The following GNAI3 variants were observed in gnomAD, a reference collection of about 807,000 sequenced individuals.
GNAI3 encodes guanine nucleotide-binding protein G(i) subunit alpha-3.
Under a neutral mutation model 41.8 loss-of-function variants are expected in GNAI3, and 12 were observed. The ratio of observed to expected loss-of-function variants is 0.29; its 90% CI spans 0.18 to 0.47. The LOEUF (loss-of-function observed/expected upper bound fraction) is 0.47. GNAI3 is among the 20% of genes least tolerant of loss of function. The probability of loss-of-function intolerance (pLI) is 1.00; values close to 1 mark genes in which losing one functional copy is unlikely to be tolerated. For synonymous variants in GNAI3, 132 were observed against 146.5 expected (o/e 0.90, Z 0.71); for missense variants, 360 against 429.6 (o/e 0.84, Z 1.43).
intron 3 of GNAI3, among the ~76,000 whole-genome samples, chr1:109,577,549 A>G (rs1168517038): frequency 6.6e-6 from 1 of 152,188 alleles, no homozygotes; most frequent in Non-Finnish European, 1.5e-5. Flanking sequence ...TGCTGGGATT[A>G]CAAGTGTGAG....
intron 1 of GNAI3, among the ~76,000 whole-genome samples, chr1:109,571,413 C>T (rs1648593296): frequency 1.3e-5 from 2 of 152,196 alleles, no homozygotes; most frequent in South Asian, 4.1e-4. Context: ...AATTTCAGTT[C>T]TGCCACTTAC....
chr1:109,585,909 C>T (rs1649023733), intron 5 of GNAI3, among the ~76,000 whole-genome samples: 1 of 152,006 alleles, frequency 6.6e-6, no homozygotes, highest in Admixed American at 6.6e-5. Context: ...TGTCTTTTCC[C>T]CTCCTTCCTT....
At chr1:109,571,370 A>G (rs937702291) in intron 1 of GNAI3, among the ~76,000 whole-genome samples, 2 of 152,216 alleles carry the variant, frequency 1.3e-5, no homozygotes, top group Non-Finnish European at 2.9e-5. Context: ...TAGAGACAGT[A>G]TACACCAGCT....
At chr1:109,552,974 A>C (rs976131267) in intron 1 of GNAI3, among the ~76,000 whole-genome samples, 5 of 152,208 alleles carry the variant, frequency 3.3e-5, no homozygotes, top group Non-Finnish European at 5.9e-5. Flanking sequence ...TACATATGTA[A>C]AGCAGAGATG....
rs34268993 is a variant in GNAI3, at chr1:109,594,646, A to ATTTTTTTT, written c.*2341_*2348dup. 1.1e-5 allele frequency: 1 copy of ATTTTTTTT among 90,586 alleles called. No homozygotes were observed. The highest frequency in any genetic ancestry group is 2.2e-5 in the Non-Finnish European group (1 of 44,758). The allele number at this position is 90,586 out of a possible 1,614,324, so 5.6% of individuals were successfully genotyped here. A position where few individuals can be genotyped will look rare whatever the true frequency, so the allele number is the denominator to read the frequency against. Reference sequence around the variant, plus strand: ...CTTTTGGCTGGTGGGCTGGCAATCGATTTTTTTTTTTTTTTTTTTTTTTTG... The same window carrying ATTTTTTTT: ...CTTTTGGCTGGTGGGCTGGCAATCGATTTTTTTTTTTTTTTTTTTTTTTTTTTTTTTTG... On this transcript the variant is annotated 3_prime_UTR_variant, in exon 9 of 9. Coordinates refer to ENST00000369851, the MANE Select transcript of GNAI3 (RefSeq NM_006496.4).
chr1:109,549,411 G>A (rs745625829), intron 1 of GNAI3, among the ~76,000 whole-genome samples: 3 of 152,194 alleles, frequency 2.0e-5, no homozygotes, highest in Non-Finnish European at 2.9e-5. Flanking sequence ...AGATAGGTAG[G>A]TGAGATAAAT....
At chr1:109,586,412 A>G in intron 6 of GNAI3, 67 bp downstream of exon 6, 1 of 1,444,322 alleles carries the variant, frequency 6.9e-7, no homozygotes, top group South Asian at 1.2e-5. Flanking sequence ...ACTTATTAGG[A>G]AGATTATCTG....
rs372762722 is a variant in GNAI3 at position 109,548,679 on chromosome 1, T to C, written c.-42T>C. 2.2e-6 allele frequency: 3 copies of C among 1,384,630 alleles called. No homozygotes were observed. Among genetic ancestry groups the C allele is most frequent in the Non-Finnish European group, 3.1e-6 (3 of 974,560 alleles). The allele number at this position is 1,384,630 out of a possible 1,614,324, so 85.8% of individuals were successfully genotyped here. On this transcript the variant is annotated 5_prime_UTR_variant, in exon 1 of 9. Transcript: ENST00000369851. ...GCCTGCCGAGCCGCAGTTTCCGTGGTGTGAGTGAGTCCGGGCCCGTGTCCC... is the reference window on the plus strand; with the variant it reads ...GCCTGCCGAGCCGCAGTTTCCGTGGCGTGAGTGAGTCCGGGCCCGTGTCCC...
rs1649353820 is a variant in GNAI3 at position 109,597,915 on chromosome 1, T to G, written c.*5593T>G. ...TACGGGGGTATATAAGGGGAATGATTGAGTCACATGTAAAAGCCTTTGTAT... is the reference window on the plus strand; with the variant it reads ...TACGGGGGTATATAAGGGGAATGATGGAGTCACATGTAAAAGCCTTTGTAT... On this transcript the variant is annotated 3_prime_UTR_variant, in exon 9 of 9. Coordinates refer to ENST00000369851, the MANE Select transcript of GNAI3 (RefSeq NM_006496.4). The G allele has an allele frequency of 6.6e-6, 1 of 152,206 alleles. No homozygotes were observed. The highest frequency in any genetic ancestry group is 2.4e-5 in the African/African-American group (1 of 41,446). The allele number at this position is 152,206 out of a possible 1,614,324, so 9.4% of individuals were successfully genotyped here. A position where few individuals can be genotyped will look rare whatever the true frequency, so the allele number is the denominator to read the frequency against.
At chr1:109,583,767 A>G (rs764691359) in intron 5 of GNAI3, among the ~76,000 whole-genome samples, 16 of 94,674 alleles carry the variant, frequency 1.7e-4, no homozygotes, top group Non-Finnish European at 2.3e-4. Context: ...TTTTTTTTGT[A>G]CTTTTAGTAG....
At chr1:109,575,672 C>T (rs1054235970) in intron 3 of GNAI3, among the ~76,000 whole-genome samples, 1 of 148,980 alleles carries the variant, frequency 6.7e-6, no homozygotes, top group Non-Finnish European at 1.5e-5. Flanking sequence ...TCTGAGATTA[C>T]AGGCGCTCAC....
In GNAI3 at chr1:109,548,837, C is replaced by T. The variant is rs773771153; in HGVS notation, c.117C>T (p.Leu39=). 1.9e-6 allele frequency: 3 copies of T among 1,583,440 alleles called. No homozygotes were observed. The South Asian group carries it at 3.3e-5, about 18-fold the overall frequency. ...KAAKEVKLLL[L]GAGESGKSTI... is the part of the protein sequence containing the mutation. ...CCAAAGAAGTGAAGCTGCTGCTACT[C>T]GGTGAGGGGCTGGAGGCGGGGACTG... is the stretch of plus-strand genomic sequence containing the variant. Residue 39 remains leucine (L), a splice_region_variant and synonymous_variant, in exon 1 of 9, where the codon CTC becomes CTT. Coordinates refer to ENST00000369851, the MANE Select transcript of GNAI3 (RefSeq NM_006496.4).
At chr1:109,567,362 A>G (rs373299504) in intron 1 of GNAI3, among the ~76,000 whole-genome samples, 2 of 152,342 alleles carry the variant, frequency 1.3e-5, no homozygotes, top group South Asian at 2.1e-4. Flanking sequence ...AATAACTGCT[A>G]TCTCAGGTGG....
intron 5 of GNAI3, among the ~76,000 whole-genome samples, chr1:109,585,405 C>T (rs990601940): frequency 2.0e-5 from 3 of 152,084 alleles, no homozygotes; most frequent in Admixed American, 6.5e-5. Flanking sequence ...ACAGTTGAGA[C>T]TTTATTAATT....
At chr1:109,589,305 A>T (rs577599555) in intron 7 of GNAI3, among the ~76,000 whole-genome samples, 19 of 152,346 alleles carry the variant, frequency 1.2e-4, no homozygotes, top group African/African-American at 4.3e-4. Flanking sequence ...TTATCTGCAG[A>T]TAAGTAAGAT....
intron 1 of GNAI3, among the ~76,000 whole-genome samples, chr1:109,549,152 G>T (rs1203835868): frequency 6.6e-6 from 1 of 152,234 alleles, no homozygotes; most frequent in Non-Finnish European, 1.5e-5. Context: ...CATAAAGGAA[G>T]AGTTGATACT....
Position 109,579,194 on chromosome 1 carries a change from C to G in GNAI3, c.304-10C>G, listed in dbSNP as rs1648828968. 6.2e-7 allele frequency: 1 copy of G among 1,604,192 alleles called. No homozygotes were observed. The highest frequency in any genetic ancestry group is 8.5e-7 in the Non-Finnish European group (1 of 1,174,472). ...GAGTCATCTGTCTCTTTCTTAACTGCTTTCTTCAGGATGATGCCCGGCAAT... is the reference window on the plus strand; with the variant it reads ...GAGTCATCTGTCTCTTTCTTAACTGGTTTCTTCAGGATGATGCCCGGCAAT... On this transcript the variant is annotated splice_polypyrimidine_tract_variant and intron_variant, in intron 3 of 8. Transcript: ENST00000369851.
intron 1 of GNAI3, among the ~76,000 whole-genome samples, chr1:109,570,054 C>T (rs1057464163): frequency 3.3e-5 from 5 of 152,038 alleles, no homozygotes; most frequent in South Asian, 4.1e-4. Context: ...TAAAATATAA[C>T]TGGTATGCAT....
intron 1 of GNAI3, among the ~76,000 whole-genome samples, chr1:109,571,168 CTGAG>C (rs1648587080): frequency 6.6e-6 from 1 of 151,712 alleles, no homozygotes. Flanking sequence ...AATGAGAAGA[CTGAG>C]GGAGGAGCAG....
Sources: gnomAD v4.1 joint callset for allele counts (sites outside exome capture counted in the v4.1 genomes callset) on GRCh38, gnomAD v4.1.1 for gene constraint, MANE v1.5 for transcripts, NCBI Gene and HGNC (gene_info 2026-07-23, HGNC 2026-07-21) for gene names.